NDUFS1: variants seen among roughly 807,000 people sequenced by gnomAD.
NDUFS1 encodes NADH-ubiquinone oxidoreductase 75 kDa subunit, mitochondrial.
In NDUFS1, 61 loss-of-function variants were observed where a neutral mutation model predicts 84.4. That is an observed-to-expected ratio of 0.72 (90% CI 0.59 to 0.89). NDUFS1 has a LOEUF of 0.89. Among genes scored for constraint, NDUFS1 ranks in the 40% least tolerant of loss-of-function variants. NDUFS1 has a pLI of 0.00. For missense variants in NDUFS1, 891 were observed against 890.0 expected, an observed-to-expected ratio of 1.00 and a Z score of -0.01; for synonymous variants, 275 against 290.0, an observed-to-expected ratio of 0.95 and a Z score of 0.53.
In NDUFS1 at chr2:206,157,963, C is replaced by CTTCTTTTT. The variant is rs539046435; in HGVS notation, c.-5+1377_-5+1378insAAAAAGAA. Among the ~76,000 whole-genome samples the CTTCTTTTT allele has an allele frequency of 3.1e-4, 41 of 131,832 alleles. 2 individuals carry two copies. The highest frequency in any genetic ancestry group is 5.3e-4 in the African/African-American group (18 of 34,250). 86.5% of individuals were successfully genotyped at this position (131,832 alleles called of 152,430 possible). On this transcript the variant is annotated intron_variant, in intron 1 of 18. Coordinates refer to ENST00000233190, the MANE Select transcript of NDUFS1 (RefSeq NM_005006.7). ...CTCCTTGCCTGGAGTATTTCAATAG[C>CTTCTTTTT]TTTTTTTTTTTTTTTTTTGAGACAG...
In NDUFS1 at chr2:206,123,516, T is replaced by C. The variant is rs560233680; in HGVS notation, c.*669A>G. ...TAAGAACAACAGGCTTTGGAGTAAA[T>C]AAGAAGTAGGTTTGAGTTGGTGACT... On this transcript the variant is annotated 3_prime_UTR_variant, in exon 19 of 19. Coordinates refer to ENST00000233190, the MANE Select transcript of NDUFS1 (RefSeq NM_005006.7). 1 of 152,214 alleles carries C rather than the reference T, an allele frequency of 6.6e-6. No individual in the cohort carries two copies. The highest frequency in any genetic ancestry group is 6.5e-5 in the Admixed American group (1 of 15,278). 9.4% of individuals were successfully genotyped at this position (152,214 alleles called of 1,614,324 possible). A position where few individuals can be genotyped will look rare whatever the true frequency, so the allele number is the denominator to read the frequency against.
At chr2:206,143,924 A>G (rs977939204) in intron 10 of NDUFS1, 94 bp downstream of exon 10, 13 of 1,029,234 alleles carry the variant, frequency 1.3e-5, no homozygotes, top group Middle Eastern at 2.0e-4. Context: ...TGGTAAAAGT[A>G]AAAAAGGGAA....
At chr2:206,135,634 G>A (rs7570896) in intron 13 of NDUFS1, among the ~76,000 whole-genome samples, 3,983 of 151,110 alleles carry the variant, frequency 0.026, 175 homozygotes, top group African/African-American at 0.092. Context: ...TCATGCCACC[G>A]TACTGCACTC....
At chr2:206,137,589 GA>G (rs199659433) in intron 13 of NDUFS1, among the ~76,000 whole-genome samples, 4,086 of 151,830 alleles carry the variant, frequency 0.027, 60 homozygotes, top group Middle Eastern at 0.051. Context: ...AGAAAGGGGG[GA>G]AAAAAAAGTC....
At chr2:206,141,543 A>C (rs927144967) in intron 12 of NDUFS1, among the ~76,000 whole-genome samples, 1 of 148,428 alleles carries the variant, frequency 6.7e-6, no homozygotes, top group East Asian at 1.9e-4. Flanking sequence ...AAGACAAAAA[A>C]ATAAAAAATA....
intron 4 of NDUFS1, 117 bp from the exon 5 acceptor site, chr2:206,149,213 G>T: frequency 1.3e-6 from 1 of 766,486 alleles, no homozygotes; most frequent in Non-Finnish European, 2.1e-6. Flanking sequence ...TTGATAACAG[G>T]CAAAGAATAG....
chr2:206,141,561 AAATAAT>A (rs1410827826), intron 12 of NDUFS1, among the ~76,000 whole-genome samples: 22 of 145,792 alleles, frequency 1.5e-4, no homozygotes, highest in African/African-American at 5.7e-4. Flanking sequence ...ATAAAAATAA[AAATAAT>A]TTTTTAAAAA....
At chr2:206,135,467 G>A (rs1297280069) in intron 13 of NDUFS1, among the ~76,000 whole-genome samples, 1 of 152,024 alleles carries the variant, frequency 6.6e-6, no homozygotes, top group Non-Finnish European at 1.5e-5. Context: ...GAGGTCAGGA[G>A]ATTGAGACCA....
At chr2:206,159,304 G>C in intron 1 of NDUFS1, 37 bp downstream of exon 1, 1 of 676,988 alleles carries the variant, frequency 1.5e-6, no homozygotes. Context: ...GCCTCTGGCC[G>C]ACGCACCTCA....
intron 14 of NDUFS1, among the ~76,000 whole-genome samples, 155 bp from the exon 15 acceptor site, chr2:206,130,397 C>T (rs2105949024): frequency 6.6e-6 from 1 of 152,148 alleles, no homozygotes; most frequent in African/African-American, 2.4e-5. Flanking sequence ...CTTTGTCGCC[C>T]AGGCTGGAGC....
intron 1 of NDUFS1, among the ~76,000 whole-genome samples, chr2:206,154,503 A>T (rs1687553380): frequency 6.6e-6 from 1 of 152,272 alleles, no homozygotes; most frequent in African/African-American, 2.4e-5. Context: ...ACAGTGCTGA[A>T]GTTGAGACAC....
Position 206,139,871 on chromosome 2 carries a change from T to TAA in NDUFS1, c.1263-1259_1263-1258dup, listed in dbSNP as rs35564839. On this transcript the variant is annotated intron_variant, in intron 12 of 18. Coordinates refer to ENST00000233190, the MANE Select transcript of NDUFS1 (RefSeq NM_005006.7). ...CTAGAAAATAACTGGCTTGTGTTCT[T>TAA]AAAAAAAAAAAAAAAAAAAAGTCAA... Among the ~76,000 whole-genome samples the TAA allele has an allele frequency of 5.8e-4, 60 of 103,548 alleles. No homozygotes were observed. The East Asian group carries it at 6.3e-3, about 11-fold the overall frequency. The allele number at this position is 103,548 out of a possible 152,430, so 67.9% of individuals were successfully genotyped here.
At chr2:206,125,655 T>TA (rs552664197) in intron 18 of NDUFS1, among the ~76,000 whole-genome samples, 97 of 149,074 alleles carry the variant, frequency 6.5e-4, no homozygotes, top group South Asian at 1.5e-3. Flanking sequence ...TTTCTTTTTT[T>TA]AAAAAAAAAA....
chr2:206,155,826 T>C (rs2105775100), intron 1 of NDUFS1, among the ~76,000 whole-genome samples: 1 of 151,518 alleles, frequency 6.6e-6, no homozygotes, highest in African/African-American at 2.4e-5. Flanking sequence ...AGTGCTAGGA[T>C]TACAGGCGTG....
intron 13 of NDUFS1, among the ~76,000 whole-genome samples, chr2:206,137,584 G>A (rs1379303722): frequency 4.6e-5 from 7 of 151,782 alleles, no homozygotes. Flanking sequence ...AGCTCAGAAA[G>A]GGGGGAAAAA....
At position 206,116,013 on chromosome 2, in the gene NDUFS1, C is replaced by T; in HGVS notation, c.*8172G>A. ...TAGTTTTTTTTTCCCATGGGTAATG[C>T]TAAAAGTTGCTATTCTAAGTCTTCT... On this transcript the variant is annotated 3_prime_UTR_variant, in exon 19 of 19. Coordinates refer to ENST00000233190, the MANE Select transcript of NDUFS1 (RefSeq NM_005006.7). 1.3e-6 allele frequency: 1 copy of T among 764,298 alleles called. No individual in the cohort carries two copies. The highest frequency in any genetic ancestry group is 1.4e-5 in the South Asian group (1 of 71,830). 47.3% of individuals were successfully genotyped at this position (764,298 alleles called of 1,614,324 possible).
chr2:206,119,149 G>A lies in NDUFS1; in HGVS notation c.*5036C>T, dbSNP rs980547214. On this transcript the variant is annotated 3_prime_UTR_variant, in exon 19 of 19. Coordinates refer to ENST00000233190, the MANE Select transcript of NDUFS1 (RefSeq NM_005006.7). ...ATAAGCTGGAGATTATTTTAGGCAT[G>A]GCTTTCCCTCATAGTCTATGAAATT... 4 of 152,138 alleles carry A rather than the reference G, an allele frequency of 2.6e-5. No individual in the cohort carries two copies. The highest frequency in any genetic ancestry group is 5.9e-5 in the Non-Finnish European group (4 of 68,030). 9.4% of individuals were successfully genotyped at this position (152,138 alleles called of 1,614,324 possible).
chr2:206,135,972 T>G (rs1001567755), intron 13 of NDUFS1, among the ~76,000 whole-genome samples: 10 of 151,182 alleles, frequency 6.6e-5, no homozygotes, highest in Non-Finnish European at 1.5e-4. Context: ...GCAAATGCAC[T>G]GACGACAGCA....
chr2:206,158,999 G>A (rs1055036149), intron 1 of NDUFS1: 1 of 1,338,710 alleles, frequency 7.5e-7, no homozygotes. Context: ...TAAGTCATCG[G>A]ACACTGGTCC....
Sources: allele counts gnomAD v4.1 joint callset (sites outside exome capture counted in the v4.1 genomes callset), GRCh38; gene constraint gnomAD v4.1.1; transcripts MANE v1.5; gene names NCBI Gene and HGNC (gene_info 2026-07-23, HGNC 2026-07-21).